The following PDE8B variants were observed in gnomAD, a reference collection of about 807,000 sequenced individuals.
PDE8B encodes phosphodiesterase 8B.
A neutral mutation model predicts 101.3 loss-of-function variants in PDE8B; 26 were observed. That is an observed-to-expected ratio of 0.26 (90% confidence interval 0.19 to 0.36). PDE8B has a LOEUF of 0.36. Among genes scored for constraint, PDE8B ranks in the 10% least tolerant of loss-of-function variants. PDE8B has a pLI of 1.00. For missense variants in PDE8B, 810 were observed against 1,163.1 expected (o/e 0.70, Z 4.42); for synonymous variants, 424 against 429.3 (o/e 0.99, Z 0.15).
the PDE8B span, among the ~76,000 whole-genome samples, chr5:77,097,720 T>TAG: frequency 2.4e-4 from 10 of 41,888 alleles, no homozygotes; most frequent in African/African-American, 4.8e-4. Flanking sequence ...TATATATATA[T>TAG]ATATATATAT....
intron 17 of PDE8B, among the ~76,000 whole-genome samples, chr5:77,414,455 CT>C (rs893754230): frequency 6.6e-5 from 10 of 152,136 alleles, no homozygotes; most frequent in African/African-American, 2.4e-4. Flanking sequence ...GAGTCTTGCA[CT>C]GTTGCCCAGG....
At chr5:77,142,917 C>T in the PDE8B span, among the ~76,000 whole-genome samples, 1 of 152,178 alleles carries the variant, frequency 6.6e-6, no homozygotes, top group African/African-American at 2.4e-5. Flanking sequence ...TCCTAACCCT[C>T]TCCCAAACTT....
chr5:77,184,414 C>T, the PDE8B span, among the ~76,000 whole-genome samples: 23 of 152,262 alleles, frequency 1.5e-4, no homozygotes, highest in African/African-American at 5.3e-4. Flanking sequence ...TGTCTATAAA[C>T]TATGGATGGT....
At chr5:77,327,086 C>T (rs550053120) in intron 3 of PDE8B, among the ~76,000 whole-genome samples, 1 of 152,232 alleles carries the variant, frequency 6.6e-6, no homozygotes, top group Admixed American at 6.5e-5. Context: ...GTTTCCTGAC[C>T]ATTATTGGTC....
At chr5:77,149,146 T>C in the PDE8B span, among the ~76,000 whole-genome samples, 1 of 152,182 alleles carries the variant, frequency 6.6e-6, no homozygotes, top group African/African-American at 2.4e-5. Context: ...ATTGATTTTT[T>C]TGGCACCTGT....
chr5:77,337,079 C>T, intron 5 of PDE8B, 148 bp from the exon 6 acceptor site: 1 of 642,258 alleles, frequency 1.6e-6, no homozygotes, highest in South Asian at 1.8e-5. Context: ...ACTTTGAACA[C>T]CTTGACAGCT....
intron 16 of PDE8B, 97 bp downstream of exon 16, chr5:77,412,332 G>C: frequency 8.0e-7 from 1 of 1,249,258 alleles, no homozygotes; most frequent in Non-Finnish European, 1.1e-6. Flanking sequence ...TTTGCTGTGA[G>C]AGACCTCACG....
chr5:77,120,169 C>T, the PDE8B span, among the ~76,000 whole-genome samples: 285 of 152,224 alleles, frequency 1.9e-3, no homozygotes, highest in African/African-American at 4.3e-3. Flanking sequence ...AAAAGCCTTA[C>T]GCAAAATAAT....
intron 1 of PDE8B, among the ~76,000 whole-genome samples, chr5:77,230,813 T>C (rs984679512): frequency 6.6e-6 from 1 of 152,214 alleles, no homozygotes; most frequent in Non-Finnish European, 1.5e-5. Flanking sequence ...AATCACTGCC[T>C]GACTCCAGTC....
chr5:77,141,806 A>G, the PDE8B span: 11 of 152,214 alleles, frequency 7.2e-5, no homozygotes, highest in African/African-American at 2.7e-4. Flanking sequence ...AACAACTGAA[A>G]TGCCTATCAA....
At chr5:77,375,322 C>T (rs534233031) in intron 10 of PDE8B, among the ~76,000 whole-genome samples, 5 of 152,264 alleles carry the variant, frequency 3.3e-5, no homozygotes, top group Admixed American at 3.3e-4. Context: ...CAAGATGAAT[C>T]GCCCCAGGCA....
At chr5:77,172,373 G>A in the PDE8B span, among the ~76,000 whole-genome samples, 1 of 152,226 alleles carries the variant, frequency 6.6e-6, no homozygotes, top group African/African-American at 2.4e-5. Flanking sequence ...GACAGGATAA[G>A]TCAAAGTTGG....
At chr5:77,187,713 TCCCTGA>T in the PDE8B span, among the ~76,000 whole-genome samples, 1 of 152,208 alleles carries the variant, frequency 6.6e-6, no homozygotes, top group Non-Finnish European at 1.5e-5. Flanking sequence ...AGGTGTGCAT[TCCCTGA>T]CCCTGGTGTT....
intron 1 of PDE8B, among the ~76,000 whole-genome samples, chr5:77,257,482 A>C (rs551020224): frequency 6.6e-6 from 1 of 152,214 alleles, no homozygotes; most frequent in Non-Finnish European, 1.5e-5. Flanking sequence ...GATAAGTATT[A>C]TCATTTTATA....
intron 18 of PDE8B, among the ~76,000 whole-genome samples, chr5:77,418,799 C>A (rs1023808955): frequency 6.6e-6 from 1 of 152,150 alleles, no homozygotes; most frequent in African/African-American, 2.4e-5. Context: ...GCTCAATTTC[C>A]GGCCGCTTAA....
chr5:77,422,323 C>T (rs1796835171), intron 20 of PDE8B, among the ~76,000 whole-genome samples: 1 of 152,066 alleles, frequency 6.6e-6, no homozygotes, highest in African/African-American at 2.4e-5. Flanking sequence ...CTACATGGCG[C>T]GTTATGGGAA....
chr5:77,384,936 T>C (rs1230196461), intron 10 of PDE8B, among the ~76,000 whole-genome samples: 1 of 152,178 alleles, frequency 6.6e-6, no homozygotes, highest in Non-Finnish European at 1.5e-5. Flanking sequence ...GAAATTTTCT[T>C]TTTTTGTTGA....
At chr5:77,360,262 G>A (rs554024832) in intron 10 of PDE8B, among the ~76,000 whole-genome samples, 1 of 42,194 alleles carries the variant, frequency 2.4e-5, no homozygotes, top group Non-Finnish European at 3.8e-5. Flanking sequence ...GTTTTTTCCC[G>A]ATAAGTTTAA....
At chr5:77,087,075 C>G in the PDE8B span, 1 of 152,420 alleles carries the variant, frequency 6.6e-6, no homozygotes, top group Middle Eastern at 3.4e-3. Context: ...CCCGGCCCAG[C>G]CCGCCTCGCC....
Sources: allele counts gnomAD v4.1 joint callset (sites outside exome capture counted in the v4.1 genomes callset), GRCh38; gene constraint gnomAD v4.1.1; transcripts MANE v1.5; gene names NCBI Gene and HGNC (gene_info 2026-07-23, HGNC 2026-07-21).